RAB3C: variants seen among roughly 807,000 people sequenced by gnomAD.
RAB3C encodes the protein RAB3C, member RAS oncogene family, also known as ras-related protein Rab-3C.
RAB3C carries 17 observed loss-of-function variants against 26.4 expected under a neutral mutation model. That is an observed-to-expected ratio of 0.64 (90% CI 0.44 to 0.97). The LOEUF is 0.97. RAB3C is among the 50% of genes least tolerant of loss of function. The pLI is 0.00. For synonymous variants in RAB3C, 91 were observed against 95.9 expected (o/e 0.95, Z 0.30); for missense variants, 242 against 281.9 (o/e 0.86, Z 1.01).
chr5:58,687,677 G>C (rs1001694444), intron 2 of RAB3C, among the ~76,000 whole-genome samples: 1 of 152,086 alleles, frequency 6.6e-6, no homozygotes, highest in Non-Finnish European at 1.5e-5. Flanking sequence ...CACCTAGAGA[G>C]GAGGTAGCTT....
At chr5:58,796,765 C>A (rs1742660336) in intron 3 of RAB3C, among the ~76,000 whole-genome samples, 1 of 152,070 alleles carries the variant, frequency 6.6e-6, no homozygotes, top group Admixed American at 6.6e-5. Flanking sequence ...GCCAGAGAAG[C>A]AGGAGCAAGA....
At chr5:58,629,201 C>T (rs78630275) in intron 2 of RAB3C, among the ~76,000 whole-genome samples, 12,978 of 151,776 alleles carry the variant, frequency 0.086, 628 homozygotes, top group East Asian at 0.18. Flanking sequence ...GGCAATCCTC[C>T]GTCAATTACC....
intron 3 of RAB3C, among the ~76,000 whole-genome samples, chr5:58,780,896 G>A (rs1295811186): frequency 3.3e-5 from 5 of 151,768 alleles, no homozygotes; most frequent in Non-Finnish European, 7.4e-5. Context: ...TTTCTCCATT[G>A]TAAAGAACTT....
At chr5:58,650,666 G>A (rs1259675028) in intron 2 of RAB3C, among the ~76,000 whole-genome samples, 1 of 152,068 alleles carries the variant, frequency 6.6e-6, no homozygotes, top group Admixed American at 6.6e-5. Flanking sequence ...AACTACTCCT[G>A]TATAAATACA....
chr5:58,621,669 A>G (rs1746941998), intron 2 of RAB3C, among the ~76,000 whole-genome samples: 1 of 152,252 alleles, frequency 6.6e-6, no homozygotes, highest in Admixed American at 6.5e-5. Flanking sequence ...TCTGCCTCCC[A>G]GGTTCAAGCA....
intron 3 of RAB3C, among the ~76,000 whole-genome samples, chr5:58,748,209 C>T (rs1741440771): frequency 6.6e-6 from 1 of 152,046 alleles, no homozygotes; most frequent in South Asian, 2.1e-4. Context: ...ATCTATCAAT[C>T]TAGAGAAAAT....
intron 3 of RAB3C, among the ~76,000 whole-genome samples, chr5:58,797,372 T>TATATA (rs1742692879): frequency 1.5e-5 from 1 of 64,784 alleles, no homozygotes; most frequent in Non-Finnish European, 3.1e-5. Flanking sequence ...ATATATAATA[T>TATATA]ATATATATAT....
At chr5:58,661,285 C>T (rs1747901821) in intron 2 of RAB3C, among the ~76,000 whole-genome samples, 1 of 150,102 alleles carries the variant, frequency 6.7e-6, no homozygotes, top group Non-Finnish European at 1.5e-5. Flanking sequence ...TTATAAATGA[C>T]TGCATCAAAA....
chr5:58,630,362 G>A (rs1489628665), intron 2 of RAB3C, among the ~76,000 whole-genome samples: 3 of 152,108 alleles, frequency 2.0e-5, no homozygotes, highest in African/African-American at 7.2e-5. Context: ...TTGTTTTTAT[G>A]TGGGTTATAT....
At chr5:58,743,874 C>T (rs1031090764) in intron 3 of RAB3C, among the ~76,000 whole-genome samples, 2 of 152,162 alleles carry the variant, frequency 1.3e-5, no homozygotes, top group African/African-American at 4.8e-5. Flanking sequence ...GTTAATAAAA[C>T]ATTCTTGGAA....
chr5:58,762,388 T>G (rs1188161688), intron 3 of RAB3C, among the ~76,000 whole-genome samples: 2 of 152,154 alleles, frequency 1.3e-5, no homozygotes, highest in Non-Finnish European at 2.9e-5. Flanking sequence ...TTCCTGAAAT[T>G]TAATTAATAA....
At chr5:58,692,283 TA>T (rs1748586322) in intron 2 of RAB3C, among the ~76,000 whole-genome samples, 1 of 152,028 alleles carries the variant, frequency 6.6e-6, no homozygotes, top group Non-Finnish European at 1.5e-5. Context: ...TGCATTTGTT[TA>T]AAAAACACAA....
intron 3 of RAB3C, among the ~76,000 whole-genome samples, chr5:58,784,320 C>T (rs1742330861): frequency 6.6e-6 from 1 of 152,118 alleles, no homozygotes; most frequent in Admixed American, 6.5e-5. Flanking sequence ...TTCCACATGG[C>T]TGGGAAGGCC....
At chr5:58,797,352 AAATATGTATATATATAATATATATATAT>A (rs1482131171) in intron 3 of RAB3C, among the ~76,000 whole-genome samples, 1 of 58,366 alleles carries the variant, frequency 1.7e-5, no homozygotes, top group Non-Finnish European at 2.9e-5. Context: ...AAAAAAAAAA[AAATATGTATATATATAATATATATATAT>A]ATATATATAT....
At position 58,655,633 on chromosome 5, in the gene RAB3C, G is replaced by A. The variant is rs185430629; in HGVS notation, c.252+37763G>A. On this transcript the variant is annotated intron_variant, in intron 2 of 4. Transcript: ENST00000282878. The stretch of plus-strand genomic sequence containing the variant: ...AAAGAGCAAGGAAACATTATTTGGA[G>A]AATTAAATATGGTAAATACAATGCC... 5.9e-5 allele frequency among the ~76,000 whole-genome samples: 9 copies of A among 152,068 alleles called. No homozygotes were observed. The East Asian group carries it at 1.7e-3, about 29-fold the overall frequency.
At chr5:58,825,994 G>T (rs1042844659) in intron 4 of RAB3C, among the ~76,000 whole-genome samples, 1 of 152,100 alleles carries the variant, frequency 6.6e-6, no homozygotes, top group African/African-American at 2.4e-5. Context: ...ATATACATAA[G>T]GAAGCAGAAA....
chr5:58,769,498 C>T (rs544151469), intron 3 of RAB3C, among the ~76,000 whole-genome samples: 1 of 152,100 alleles, frequency 6.6e-6, no homozygotes, highest in African/African-American at 2.4e-5. Flanking sequence ...GGGAACGTTA[C>T]ATCTGCTTGA....
chr5:58,600,729 T>C (rs1731919705), intron 1 of RAB3C, among the ~76,000 whole-genome samples: 2 of 152,160 alleles, frequency 1.3e-5, no homozygotes, highest in Admixed American at 6.5e-5. Flanking sequence ...CTTTTATCAG[T>C]TCTAGGAGCT....
At chr5:58,829,444 G>A (rs1344480312) in intron 4 of RAB3C, among the ~76,000 whole-genome samples, 12 of 152,094 alleles carry the variant, frequency 7.9e-5, no homozygotes, top group Non-Finnish European at 1.5e-5. Context: ...AATTTATAGA[G>A]GAGGATGGAT....
Sources: gnomAD v4.1 joint callset for allele counts (sites outside exome capture counted in the v4.1 genomes callset) on GRCh38, gnomAD v4.1.1 for gene constraint, MANE v1.5 for transcripts, NCBI Gene and HGNC (gene_info 2026-07-23, HGNC 2026-07-21) for gene names.